Variants in KDM3A observed in about 807,000 individuals in gnomAD.
KDM3A encodes lysine demethylase 3A.
Under a neutral mutation model 158.0 loss-of-function variants are expected in KDM3A, and 60 were observed. The ratio of observed to expected loss-of-function variants is 0.38; its 90% confidence interval spans 0.31 to 0.47. The LOEUF is 0.47. Ranked by LOEUF, KDM3A falls within the 20% of genes least tolerant of loss-of-function variation. The probability of loss-of-function intolerance (pLI) is 0.99; values close to 1 mark genes in which losing one functional copy is unlikely to be tolerated. For missense variants in KDM3A, 1,319 were observed against 1,574.3 expected, an observed-to-expected ratio of 0.84 and a Z score of 2.74; for synonymous variants, 608 against 549.3, an observed-to-expected ratio of 1.11 and a Z score of -1.49.
chr2:86,487,343 A>C (rs1389232522), intron 21 of KDM3A: 1 of 152,136 alleles, frequency 6.6e-6, no homozygotes, highest in African/African-American at 2.4e-5. Flanking sequence ...TGATGTGTTC[A>C]TTTTCAAACA....
intron 4 of KDM3A, among the ~76,000 whole-genome samples, chr2:86,451,935 A>G (rs751343382): frequency 4.6e-5 from 7 of 152,256 alleles, no homozygotes; most frequent in Non-Finnish European, 7.3e-5. Flanking sequence ...ATGCATACAT[A>G]TATACAAGCA....
intron 17 of KDM3A, 71 bp from the exon 18 acceptor site, chr2:86,482,387 A>G (rs1673976056): frequency 6.4e-7 from 1 of 1,574,206 alleles, no homozygotes; most frequent in African/African-American, 1.4e-5. Flanking sequence ...ATCTATACTC[A>G]TTATGGGAAT....
chr2:86,472,336 T>G (rs75867536), intron 11 of KDM3A, among the ~76,000 whole-genome samples: 2,140 of 152,210 alleles, frequency 0.014, 54 homozygotes, highest in African/African-American at 0.049. Context: ...GGTAAAAGAA[T>G]ATCATAATTT....
upstream of KDM3A, among the ~76,000 whole-genome samples, chr2:86,439,334 A>C (rs570956438): frequency 8.0e-4 from 121 of 152,056 alleles, no homozygotes; most frequent in Non-Finnish European, 1.4e-3. Context: ...AATTACCTAA[A>C]AAAAATGCTG....
At position 86,464,171 on chromosome 2, in the gene KDM3A, A is replaced by T; in HGVS notation, c.962A>T (p.Gln321Leu). 1 of 1,611,314 alleles carries T rather than the reference A, an allele frequency of 6.2e-7. No homozygotes were observed. The highest frequency in any genetic ancestry group is 1.1e-5 in the South Asian group (1 of 90,818). ...SKDPRQQSTPQAANSPPNLGA... is the reference protein window; with the variant it reads ...SKDPRQQSTPLAANSPPNLGA... Reference sequence around the variant, plus strand: ...GACCCAAGACAGCAAAGTACTCCCCAGGCTGCCAACTCTCCACCTAACCTT... The same window carrying T: ...GACCCAAGACAGCAAAGTACTCCCCTGGCTGCCAACTCTCCACCTAACCTT... Residue 321 changes from glutamine (Q) to leucine (L), a missense_variant, in exon 9 of 26, where the codon CAG becomes CTG. By Grantham distance (113) the Gln-to-Leu change is moderately radical. Around this residue, in one of 4 missense-constraint regions of KDM3A, gnomAD observed 652 missense variants for 627.2 expected, o/e 1.04. Coordinates refer to ENST00000312912, the MANE Select transcript of KDM3A (RefSeq NM_018433.6).
chr2:86,491,963 T>G (rs769934832), intron 25 of KDM3A, 76 bp from the exon 26 acceptor site: 37 of 894,134 alleles, frequency 4.1e-5, no homozygotes, highest in Non-Finnish European at 6.0e-5. Context: ...ATAAAATTAG[T>G]AGGAGGAAGC....
At chr2:86,445,529 C>T (rs919876536) in intron 2 of KDM3A, among the ~76,000 whole-genome samples, 1 of 152,154 alleles carries the variant, frequency 6.6e-6, no homozygotes, top group Non-Finnish European at 1.5e-5. Flanking sequence ...CTTAACTTGT[C>T]CTTTTTTCTT....
At chr2:86,491,998 T>G (rs1411484003) in intron 25 of KDM3A, 41 bp from the exon 26 acceptor site, 8 of 1,334,590 alleles carry the variant, frequency 6.0e-6, no homozygotes, top group Non-Finnish European at 8.6e-6. Context: ...AGGTTTTAGA[T>G]TTAAATGTAA....
intron 10 of KDM3A, among the ~76,000 whole-genome samples, chr2:86,469,838 C>T (rs1207994952): frequency 1.2e-4 from 18 of 152,170 alleles, no homozygotes; most frequent in Admixed American, 1.1e-3. Context: ...TAAGTCAGGC[C>T]TCTGCAGAAG....
intron 17 of KDM3A, 96 bp downstream of exon 17, chr2:86,482,198 A>G (rs1050780110): frequency 1.5e-6 from 2 of 1,359,264 alleles, no homozygotes; most frequent in Non-Finnish European, 2.1e-6. Flanking sequence ...AGGAGACTGA[A>G]TCACATACTT....
chr2:86,478,276 T>G lies in KDM3A; in HGVS notation c.2188+11T>G, dbSNP rs1222034886. ...TCATTCCTGGAAAAGGTATTTCATG[T>G]GCTGCAGTGATTTTCTTTCCCCTTG... On this transcript the variant is annotated intron_variant, in intron 14 of 25. Coordinates refer to ENST00000312912, the MANE Select transcript of KDM3A (RefSeq NM_018433.6). The G allele has an allele frequency of 6.3e-7, 1 of 1,581,786 alleles. No homozygotes were observed. Among genetic ancestry groups the G allele is most frequent in the Non-Finnish European group, 8.7e-7 (1 of 1,151,222 alleles).
At chr2:86,461,422 G>A (rs1428925158) in intron 8 of KDM3A, among the ~76,000 whole-genome samples, 1 of 152,076 alleles carries the variant, frequency 6.6e-6, no homozygotes, top group Non-Finnish European at 1.5e-5. Context: ...TTGATTTATA[G>A]CTATTTAGAA....
rs184179181 is a variant in KDM3A at position 86,466,293 on chromosome 2, A to G, written c.1008-79A>G. 3.1e-5 allele frequency: 43 copies of G among 1,389,526 alleles called. No homozygotes were observed. The African/African-American group carries it at 3.9e-4, about 13-fold the overall frequency. The allele number at this position is 1,389,526 out of a possible 1,614,324, so 86.1% of individuals were successfully genotyped here. ...TCTTTCATACTCGTTACCTTAGGGA[A>G]CCAAACAGTTTGTTTGGGGAAGATA... On this transcript the variant is annotated intron_variant, in intron 9 of 25. Coordinates refer to ENST00000312912, the MANE Select transcript of KDM3A (RefSeq NM_018433.6).
intron 4 of KDM3A, among the ~76,000 whole-genome samples, chr2:86,452,770 T>G (rs1327987791): frequency 2.0e-5 from 3 of 152,190 alleles, no homozygotes; most frequent in Admixed American, 2.0e-4. Flanking sequence ...AAGCACTGGC[T>G]TTTCCTCTAC....
chr2:86,447,380 A>G (rs948835634), intron 2 of KDM3A, among the ~76,000 whole-genome samples: 1 of 150,616 alleles, frequency 6.6e-6, no homozygotes, highest in Non-Finnish European at 1.5e-5. Flanking sequence ...AGCTTTAGAT[A>G]GTGATCTGGT....
At chr2:86,479,022 T>C (rs142017367) in intron 15 of KDM3A, 377 of 223,754 alleles carry the variant, frequency 1.7e-3, no homozygotes, top group African/African-American at 8.1e-3. Context: ...TAAGTAGCTG[T>C]CGAATTTGTA....
intron 8 of KDM3A, among the ~76,000 whole-genome samples, chr2:86,463,346 C>T (rs1371407176): frequency 2.6e-5 from 4 of 152,120 alleles, no homozygotes; most frequent in Admixed American, 2.6e-4. Context: ...TGAGTTTCTC[C>T]TTTCTTTTTT....
chr2:86,455,449 C>T (rs1672649541), intron 5 of KDM3A, among the ~76,000 whole-genome samples: 1 of 151,888 alleles, frequency 6.6e-6, no homozygotes, highest in South Asian at 2.1e-4. Context: ...GACAAGATTT[C>T]ACTATTTCAC....
chr2:86,437,193 T>G (rs1464685303), upstream of KDM3A, among the ~76,000 whole-genome samples: 2 of 151,970 alleles, frequency 1.3e-5, no homozygotes, highest in Non-Finnish European at 2.9e-5. Flanking sequence ...CAGGCTGGAG[T>G]GCAGTGGCGT....
Sources: allele counts gnomAD v4.1 joint callset (sites outside exome capture counted in the v4.1 genomes callset), GRCh38; gene constraint gnomAD v4.1.1; regional missense constraint gnomAD v4.1.1; transcripts MANE v1.5; gene names NCBI Gene and HGNC (gene_info 2026-07-23, HGNC 2026-07-21).